Variants in GRAMD4 observed in about 807,000 individuals in gnomAD.
GRAMD4 encodes GRAM domain-containing protein 4.
Under a neutral mutation model 83.9 loss-of-function variants are expected in GRAMD4, and 25 were observed. The ratio of observed to expected loss-of-function variants is 0.30; its 90% CI spans 0.22 to 0.42. The LOEUF is 0.42. GRAMD4 is among the 10% of genes least tolerant of loss of function. The probability of loss-of-function intolerance (pLI) is 1.00; values close to 1 mark genes in which losing one functional copy is unlikely to be tolerated. For synonymous variants in GRAMD4, 336 were observed against 320.9 expected (o/e 1.05, Z -0.50); for missense variants, 593 against 788.7 (o/e 0.75, Z 2.97).
chr22:46,587,247 C>T (rs181657436), intron 1 of GRAMD4, among the ~76,000 whole-genome samples: 18 of 152,248 alleles, frequency 1.2e-4, no homozygotes, highest in African/African-American at 4.3e-4. Context: ...ATCTGGGGCT[C>T]CGGAGTAGAA....
intron 5 of GRAMD4, 82 bp downstream of exon 5, chr22:46,661,524 A>G: frequency 1.0e-6 from 1 of 1,000,164 alleles, no homozygotes; most frequent in South Asian, 1.3e-5. Flanking sequence ...GGCCCAGGTT[A>G]ACAATGGAGC....
At chr22:46,613,847 A>G (rs1302234051) in intron 1 of GRAMD4, among the ~76,000 whole-genome samples, 1 of 35,750 alleles carries the variant, frequency 2.8e-5, no homozygotes, top group East Asian at 0.056. Context: ...GGGGCCTCTC[A>G]GGAACTCTTT....
At chr22:46,629,281 C>T (rs1262835983) in intron 2 of GRAMD4, among the ~76,000 whole-genome samples, 1 of 152,108 alleles carries the variant, frequency 6.6e-6, no homozygotes, top group Non-Finnish European at 1.5e-5. Flanking sequence ...AGGGGGACGG[C>T]AGTCTCGTCC....
rs760151621 is a variant in GRAMD4 at position 46,592,362 on chromosome 22, C to T, written c.-50+15072C>T. ...CAGGGGTGCGTGTCTGTGGTCCCAG[C>T]TCCTTGGGAGGCTAAGGCGGGAGGA... is the stretch of plus-strand genomic sequence containing the variant. On this transcript the variant is annotated intron_variant, in intron 1 of 1. Transcript: ENST00000431155. 2.2e-4 allele frequency among the ~76,000 whole-genome samples: 34 copies of T among 152,078 alleles called. 1 individual carries two copies. The highest frequency in any genetic ancestry group is 6.8e-3 in the Middle Eastern group (2 of 294).
chr22:46,643,084 T>TACCCATCG (rs1555967831), intron 3 of GRAMD4, among the ~76,000 whole-genome samples: 6 of 76,414 alleles, frequency 7.9e-5, no homozygotes, highest in East Asian at 4.3e-4. Context: ...TCTATCCATT[T>TACCCATCG]ATCCATCCAT....
chr22:46,667,985 G>C, intron 10 of GRAMD4, 111 bp from the exon 11 acceptor site: 2 of 732,678 alleles, frequency 2.7e-6, no homozygotes, highest in Admixed American at 4.6e-5. Flanking sequence ...CCCCCTGGCT[G>C]TGTGGGGACA....
At chr22:46,636,775 G>T (rs931833589) in intron 2 of GRAMD4, among the ~76,000 whole-genome samples, 2 of 152,224 alleles carry the variant, frequency 1.3e-5, no homozygotes, top group Admixed American at 6.5e-5. Flanking sequence ...TGGCTGTGCC[G>T]GGCATGGCCC....
At chr22:46,669,232 G>A (rs189827917) in intron 13 of GRAMD4, among the ~76,000 whole-genome samples, 38 of 152,358 alleles carry the variant, frequency 2.5e-4, no homozygotes, top group African/African-American at 9.1e-4. Flanking sequence ...TGCCTCTTGG[G>A]GCGCCTGTGG....
chr22:46,602,064 C>T (rs887673416), intron 1 of GRAMD4, among the ~76,000 whole-genome samples: 1 of 152,242 alleles, frequency 6.6e-6, no homozygotes, highest in African/African-American at 2.4e-5. Context: ...CGGCGGTGGG[C>T]TCTCCATGGT....
At chr22:46,580,511 A>G (rs1429503983) in intron 1 of GRAMD4, among the ~76,000 whole-genome samples, 1 of 152,110 alleles carries the variant, frequency 6.6e-6, no homozygotes, top group East Asian at 1.9e-4. Context: ...GGGGACAGTT[A>G]TGTGAACAGA....
chr22:46,643,598 C>G (rs2082022735), intron 3 of GRAMD4, among the ~76,000 whole-genome samples: 1 of 152,194 alleles, frequency 6.6e-6, no homozygotes, highest in African/African-American at 2.4e-5. Flanking sequence ...AAAGACAGTT[C>G]TGAGTTGGGA....
At chr22:46,585,443 A>G (rs5768990) in intron 1 of GRAMD4, among the ~76,000 whole-genome samples, 112,216 of 152,028 alleles carry the variant, frequency 0.74, 41,660 homozygotes, top group East Asian at 0.92. Flanking sequence ...GCCTGCCTCC[A>G]CCTCCCAAAG....
upstream of GRAMD4, chr22:46,620,312 G>A (rs1036145011): frequency 1.5e-5 from 15 of 985,688 alleles, no homozygotes; most frequent in East Asian, 1.1e-4. The surrounding 1 kb of genome is among the most constrained non-coding windows in gnomAD (Gnocchi z 4.7). Flanking sequence ...GAGCCTGGCC[G>A]GGCGCCGCCC....
At chr22:46,661,561 C>A in intron 5 of GRAMD4, 119 bp downstream of exon 5, 1 of 730,636 alleles carries the variant, frequency 1.4e-6, no homozygotes, top group South Asian at 1.6e-5. Context: ...AGCAGGTGGG[C>A]AGGCGGCAGG....
chr22:46,600,204 A>G (rs988028516), intron 1 of GRAMD4, among the ~76,000 whole-genome samples: 3 of 152,114 alleles, frequency 2.0e-5, no homozygotes, highest in African/African-American at 2.4e-5. Flanking sequence ...CGCAGCTGTC[A>G]CCTGGAGCTG....
rs1284259150 is a variant in GRAMD4 at position 46,635,709 on chromosome 22, CT to C, written c.163-2130del. 3.3e-4 allele frequency among the ~76,000 whole-genome samples: 45 copies of C among 137,804 alleles called. 4 individuals carry two copies. The highest frequency in any genetic ancestry group is 1.1e-3 in the African/African-American group (38 of 34,950). The allele number at this position is 137,804 out of a possible 152,430, so 90.4% of individuals were successfully genotyped here. On this transcript the variant is annotated intron_variant, in intron 2 of 18. Transcript: ENST00000406902. ...GCTGTGTCCTCCCTGCTCCCCACCC[CT>C]GACCACTCCTGTCCTGGGGGCCCGT...
chr22:46,624,737 C>G (rs951046144), intron 1 of GRAMD4, among the ~76,000 whole-genome samples: 1 of 152,208 alleles, frequency 6.6e-6, no homozygotes, highest in Non-Finnish European at 1.5e-5. Flanking sequence ...CTCATGCTCC[C>G]TCAGCCTATG....
intron 3 of GRAMD4, among the ~76,000 whole-genome samples, chr22:46,643,174 TCCA>T (rs2082010473): frequency 6.8e-6 from 1 of 147,748 alleles, no homozygotes. Flanking sequence ...CATCCATCCA[TCCA>T]TCCATCCATC....
At chr22:46,597,659 T>G (rs867248896) in intron 1 of GRAMD4, among the ~76,000 whole-genome samples, 1 of 151,742 alleles carries the variant, frequency 6.6e-6, no homozygotes, top group African/African-American at 2.4e-5. Context: ...CCGGCTAATT[T>G]TTTGTATTTT....
Sources: gnomAD v4.1 joint callset for allele counts (sites outside exome capture counted in the v4.1 genomes callset) on GRCh38, gnomAD v4.1.1 for gene constraint, Gnocchi (gnomAD v3.1) non-coding constraint, MANE v1.5 for transcripts, NCBI Gene and HGNC (gene_info 2026-07-23, HGNC 2026-07-21) for gene names.